ROBO2: variants seen among roughly 807,000 people sequenced by gnomAD.
ROBO2 encodes roundabout homolog 2.
ROBO2 carries 53 observed loss-of-function variants against 160.8 expected under a neutral mutation model. That is an observed-to-expected ratio of 0.33 (90% CI 0.26 to 0.41). ROBO2 has a LOEUF of 0.41. ROBO2 is among the 10% of genes least tolerant of loss of function. ROBO2 has a pLI of 1.00. For missense variants in ROBO2, 1,577 were observed against 1,722.4 expected (o/e 0.92, Z 1.49); for synonymous variants, 664 against 611.7 (o/e 1.09, Z -1.26).
chr3:77,283,462 A>T (rs1035033637), intron 2 of ROBO2, among the ~76,000 whole-genome samples: 4 of 152,236 alleles, frequency 2.6e-5, no homozygotes, highest in African/African-American at 9.6e-5. Flanking sequence ...CAAAGATGAC[A>T]AAGCTTTTCT....
Position 76,528,345 on chromosome 3 carries a change from G to A in ROBO2, c.110-569669G>A, listed in dbSNP as rs75533114. On this transcript the variant is annotated intron_variant, in intron 2 of 26. Transcript: ENST00000487694. ...ATTTAGGAACAATTACAAGAACCCA[G>A]GGAAGATGACAGTGCCTTGGAGAAG... Among the ~76,000 whole-genome samples the A allele has an allele frequency of 8.2e-4, 125 of 152,170 alleles. 2 individuals carry two copies. The East Asian group carries it at 0.023, about 28-fold the overall frequency.
intron 2 of ROBO2, among the ~76,000 whole-genome samples, chr3:76,077,666 A>T (rs1559892572): frequency 6.6e-6 from 1 of 152,302 alleles, no homozygotes; most frequent in African/African-American, 2.4e-5. Context: ...ATTTAAAAAA[A>T]GAAGTAATAT....
At chr3:76,539,127 A>C (rs1191702540) in intron 2 of ROBO2, among the ~76,000 whole-genome samples, 2 of 152,174 alleles carry the variant, frequency 1.3e-5, no homozygotes, top group African/African-American at 4.8e-5. Flanking sequence ...TCTCACTCAT[A>C]AGTGGGAGCT....
intron 24 of ROBO2, among the ~76,000 whole-genome samples, chr3:77,641,063 A>G (rs971685632): frequency 6.6e-6 from 1 of 152,248 alleles, no homozygotes; most frequent in Non-Finnish European, 1.5e-5. Context: ...ATCAAATGAA[A>G]TAATTAATTT....
intron 2 of ROBO2, among the ~76,000 whole-genome samples, chr3:76,892,681 T>C (rs1036789374): frequency 6.6e-6 from 1 of 152,214 alleles, no homozygotes; most frequent in Non-Finnish European, 1.5e-5. Flanking sequence ...TTTCATCTAT[T>C]CTTCACCTGA....
intron 2 of ROBO2, among the ~76,000 whole-genome samples, chr3:77,286,229 G>C (rs964031919): frequency 6.7e-6 from 1 of 149,998 alleles, no homozygotes; most frequent in African/African-American, 2.5e-5. Flanking sequence ...AAAAGTAATG[G>C]AAGCCTAGAA....
intron 7 of ROBO2, among the ~76,000 whole-genome samples, chr3:77,548,146 T>TACATACACATACACACACACAC: frequency 6.7e-6 from 1 of 150,016 alleles, no homozygotes. Context: ...CACATACACA[T>TACATACACATACACACACACAC]ACATACACAT....
chr3:77,004,279 G>A (rs142666993), intron 2 of ROBO2, among the ~76,000 whole-genome samples: 2 of 152,216 alleles, frequency 1.3e-5, no homozygotes, highest in Non-Finnish European at 2.9e-5. Context: ...TCAAATACAG[G>A]AATAGGCTTT....
intron 2 of ROBO2, among the ~76,000 whole-genome samples, chr3:76,217,804 TC>T (rs561730757): frequency 6.8e-4 from 104 of 152,288 alleles, no homozygotes; most frequent in African/African-American, 2.4e-3. Context: ...CCTCCCTACC[TC>T]ATTTTATGAG....
chr3:77,415,112 C>T (rs2077106120), intron 2 of ROBO2, among the ~76,000 whole-genome samples: 1 of 152,116 alleles, frequency 6.6e-6, no homozygotes, highest in Non-Finnish European at 1.5e-5. Flanking sequence ...ATATGTTTGC[C>T]ATTACTGTAA....
chr3:77,360,713 T>C (rs1250210095), intron 2 of ROBO2, among the ~76,000 whole-genome samples: 1 of 152,108 alleles, frequency 6.6e-6, no homozygotes, highest in Non-Finnish European at 1.5e-5. Context: ...GTAGTTTTTA[T>C]GCATACAAAG....
At chr3:76,622,239 A>AAGGAAGG (rs1560252129) in intron 2 of ROBO2, among the ~76,000 whole-genome samples, 27 of 32,602 alleles carry the variant, frequency 8.3e-4, no homozygotes, top group Admixed American at 1.9e-3. Flanking sequence ...AGGAAGGAAG[A>AAGGAAGG]AAGAAAGAAA....
chr3:76,626,648 A>G (rs1290278310), intron 2 of ROBO2, among the ~76,000 whole-genome samples: 2 of 152,168 alleles, frequency 1.3e-5, no homozygotes, highest in East Asian at 1.9e-4. Flanking sequence ...AGCTTAGGAA[A>G]TAGTGTATTC....
intron 2 of ROBO2, among the ~76,000 whole-genome samples, chr3:76,855,714 C>T (rs1280682892): frequency 6.6e-6 from 1 of 152,150 alleles, no homozygotes; most frequent in Non-Finnish European, 1.5e-5. Context: ...AGTAGTTTGA[C>T]ATTTTTATTT....
At chr3:76,242,456 T>C (rs1199376072) in intron 2 of ROBO2, among the ~76,000 whole-genome samples, 1 of 152,194 alleles carries the variant, frequency 6.6e-6, no homozygotes, top group Non-Finnish European at 1.5e-5. Context: ...AGCTTCCTGG[T>C]AGAATCAGGG....
At chr3:77,563,098 T>G in intron 10 of ROBO2, 69 bp from the exon 12 acceptor site, 9 of 1,492,234 alleles carry the variant, frequency 6.0e-6, no homozygotes, top group Non-Finnish European at 8.4e-6. Flanking sequence ...GTAGACTGCT[T>G]CCTTCTTTTA....
In ROBO2 at chr3:76,903,389, A is replaced by G. The variant is rs545035828; in HGVS notation, c.110-194625A>G. Among the ~76,000 whole-genome samples the G allele has an allele frequency of 9.0e-4, 137 of 152,068 alleles. 3 individuals are homozygous for G. In the South Asian group the frequency reaches 0.027, roughly 30 times the overall value. ...TTATACAGTTTTCCACTCTCTCTTC[A>G]GTGGCTGTATTCTGCTGGGAGTCAA... On this transcript the variant is annotated intron_variant, in intron 2 of 26. Transcript: ENST00000487694.
chr3:76,899,746 G>A (rs916420178), intron 2 of ROBO2, among the ~76,000 whole-genome samples: 5 of 152,114 alleles, frequency 3.3e-5, no homozygotes, highest in African/African-American at 2.4e-5. Flanking sequence ...CCTCTGAGGT[G>A]TGATTCATTT....
chr3:76,315,081 A>G (rs1013227074), intron 2 of ROBO2, among the ~76,000 whole-genome samples: 10 of 140,756 alleles, frequency 7.1e-5, no homozygotes, highest in Non-Finnish European at 6.0e-5. Flanking sequence ...TTGGTTCAAC[A>G]CAAACATTGG....
Sources: allele counts gnomAD v4.1 joint callset (sites outside exome capture counted in the v4.1 genomes callset), GRCh38; gene constraint gnomAD v4.1.1; transcripts MANE v1.5; gene names NCBI Gene and HGNC (gene_info 2026-07-23, HGNC 2026-07-21).